AURKB: variants seen among roughly 807,000 people sequenced by gnomAD.
The protein encoded by AURKB is aurora kinase B.
A neutral mutation model predicts 36.5 loss-of-function variants in AURKB; 28 were observed. The observed-to-expected ratio is 0.77, with a 90% CI of 0.57 to 1.05. The LOEUF (loss-of-function observed/expected upper bound fraction) is 1.05. AURKB is among the 50% of genes least tolerant of loss of function. The probability of loss-of-function intolerance (pLI) is 0.00; values close to 1 mark genes in which losing one functional copy is unlikely to be tolerated. For missense variants in AURKB, 383 were observed against 447.4 expected, an observed-to-expected ratio of 0.86 and a Z score of 1.30; for synonymous variants, 175 against 172.9, an observed-to-expected ratio of 1.01 and a Z score of -0.09.
At position 8,207,196 on chromosome 17, in the gene AURKB, G is replaced by A. The variant is rs141915374; in HGVS notation, c.378C>T (p.Ile126=). The change falls in exon 5 of 9, where the codon ATC becomes ATT. Residue 126 remains isoleucine, a synonymous_variant. Transcript: ENST00000585124. Reference sequence around the variant, plus strand: ...CATACTGCAGGTGGGCCTGGATTTCGATCTCTCTGCGCAGCTGATGCTCCA... The same window carrying A: ...CATACTGCAGGTGGGCCTGGATTTCAATCTCTCTGCGCAGCTGATGCTCCA... ...EGVEHQLRRE[I]EIQAHLHHPN... 8.7e-6 allele frequency: 14 copies of A among 1,612,720 alleles called. No individual in the cohort carries two copies. The highest frequency in any genetic ancestry group is 4.0e-5 in the African/African-American group (3 of 74,878).
rs1985279523 is a variant in AURKB at position 8,206,392 on chromosome 17, A to G, written c.686+99T>C. ...GTGATCCGCCCTCCTCGGCCTCCCA[A>G]AGTGCTGGGATTACAGGTGTGAGCC... On this transcript the variant is annotated intron_variant, in intron 7 of 8. Transcript: ENST00000585124. The surrounding 1 kb of genome is among the most constrained non-coding windows in gnomAD (Gnocchi z 4.2). The G allele has an allele frequency of 1.1e-5, 16 of 1,476,772 alleles. No homozygotes were observed. The highest frequency in any genetic ancestry group is 1.4e-5 in the Non-Finnish European group (15 of 1,090,156). 91.5% of individuals were successfully genotyped at this position (1,476,772 alleles called of 1,614,324 possible).
At position 8,206,632 on chromosome 17, in the gene AURKB, T is replaced by A; in HGVS notation, c.545A>T (p.Glu182Val). 1.2e-6 allele frequency: 2 copies of A among 1,614,156 alleles called. No homozygotes were observed. Among genetic ancestry groups the A allele is most frequent in the Non-Finnish European group, 1.7e-6 (2 of 1,180,026 alleles). Residue 182 changes from glutamate (E) to valine (V), a missense_variant, in exon 7 of 9, where the codon GAG (glutamate) becomes GTG (valine). Glu to Val is a moderately radical substitution (Grantham distance 121). This residue lies in a region of AURKB where 219 missense variants were observed against 252.6 expected (regional missense o/e 0.87). Coordinates refer to ENST00000585124, the MANE Select transcript of AURKB (RefSeq NM_004217.4). The surrounding 1 kb of genome is among the most constrained non-coding windows in gnomAD (Gnocchi z 4.2). ...FDEQRTATIM[E>V]ELADALMYCH... is the part of the protein sequence containing the mutation. ...GTACATTAGAGCATCTGCCAACTCC[T>A]CCATGATCTGGGAGGGGCAACGACA...
chr17:8,205,431 T>C, intron 7 of AURKB, 41 bp from the exon 8 acceptor site: 1 of 1,600,528 alleles, frequency 6.2e-7, no homozygotes, highest in African/African-American at 1.3e-5. Context: ...CCTAGTGACA[T>C]AGGAACTCTC....
chr17:8,207,477 C>T (rs1985487605), intron 4 of AURKB, 94 bp downstream of exon 4: 7 of 1,561,382 alleles, frequency 4.5e-6, no homozygotes, highest in Non-Finnish European at 6.1e-6. Flanking sequence ...TTGTCTTCAT[C>T]CCTACTCCTC....
At chr17:8,210,367 A>C in intron 1 of AURKB, 118 bp from the exon 2 acceptor site, 2 of 735,670 alleles carry the variant, frequency 2.7e-6, no homozygotes. Context: ...AGGTCAGCAC[A>C]CTAGCCCCAA....
At position 8,204,978 on chromosome 17, in the gene AURKB, G is replaced by C. The variant is rs1438848669; in HGVS notation, c.928C>G (p.His310Asp). 1 of 1,608,556 alleles carries C rather than the reference G, an allele frequency of 6.2e-7. No individual in the cohort carries two copies. Among genetic ancestry groups the C allele is most frequent in the Non-Finnish European group, 8.5e-7 (1 of 1,178,624 alleles). Reference sequence around the variant, plus strand: ...AGGGGCAGCCGTTCCGAGGGGTTATGCCTGAGCAGTTTGGAGATGAGGTCC... The same window carrying C: ...AGGGGCAGCCGTTCCGAGGGGTTATCCCTGAGCAGTTTGGAGATGAGGTCC... Reference protein sequence around the residue: ...AQDLISKLLRHNPSERLPLAQ... With the variant: ...AQDLISKLLRDNPSERLPLAQ... The change falls in exon 9 of 9, where the codon CAT becomes GAT. Residue 310 changes from histidine to aspartate, a missense_variant. Physicochemically the swap from His to Asp is moderately conservative, Grantham distance 81. Around this residue, in one of 3 missense-constraint regions of AURKB, gnomAD observed 219 missense variants for 252.6 expected, o/e 0.87. Coordinates refer to ENST00000585124, the MANE Select transcript of AURKB (RefSeq NM_004217.4).
At chr17:8,205,838 C>T (rs1452378221) in intron 7 of AURKB, among the ~76,000 whole-genome samples, 2 of 152,080 alleles carry the variant, frequency 1.3e-5, no homozygotes, top group Non-Finnish European at 2.9e-5. Context: ...ACCTCTGCCT[C>T]CCGGGTTCAA....
At chr17:8,205,729 C>G (rs1172831412) in intron 7 of AURKB, among the ~76,000 whole-genome samples, 1 of 152,084 alleles carries the variant, frequency 6.6e-6, no homozygotes, top group Non-Finnish European at 1.5e-5. Flanking sequence ...TACTATGAAA[C>G]CATTAAAAAG....
chr17:8,208,245 T>C lies in AURKB; in HGVS notation c.49-405A>G, dbSNP rs148873050. 9.3e-3 allele frequency: 1,483 copies of C among 159,084 alleles called. 14 individuals are homozygous for C. The highest frequency in any genetic ancestry group is 0.014 in the Non-Finnish European group (980 of 72,450). The allele number at this position is 159,084 out of a possible 1,614,324, so 9.9% of individuals were successfully genotyped here. A position where few individuals can be genotyped will look rare whatever the true frequency, so the allele number is the denominator to read the frequency against. The stretch of plus-strand genomic sequence containing the variant: ...TTTGAGACCAGCCTGGCCAACACAG[T>C]GAAACCCCATCTCTACTAAAAATAC... On this transcript the variant is annotated intron_variant, in intron 2 of 8. Coordinates refer to ENST00000585124, the MANE Select transcript of AURKB (RefSeq NM_004217.4).
rs912945164 is a variant in AURKB at position 8,206,697 on chromosome 17, C to T, written c.537+53G>A. 1.9e-6 allele frequency: 3 copies of T among 1,613,122 alleles called. No individual in the cohort carries two copies. In the South Asian group the frequency reaches 3.3e-5, roughly 18 times the overall value. On this transcript the variant is annotated intron_variant, in intron 6 of 8. Transcript: ENST00000585124. The surrounding 1 kb of genome is among the most constrained non-coding windows in gnomAD (Gnocchi z 4.2). ...GATGGACCTCCAGCTACAAGCAGCA[C>T]ACCCTCAGCCTCGAGCCCCCTACTG...
rs1985283649 is a variant in AURKB at position 8,206,409 on chromosome 17, G to T, written c.686+82C>A. The T allele has an allele frequency of 6.4e-7, 1 of 1,556,480 alleles. No homozygotes were observed. Among genetic ancestry groups the T allele is most frequent in the African/African-American group, 1.4e-5 (1 of 73,862 alleles). ...GCCTCCCAAAGTGCTGGGATTACAG[G>T]TGTGAGCCACGGTGCACGGCCCCTG... On this transcript the variant is annotated intron_variant, in intron 7 of 8. Coordinates refer to ENST00000585124, the MANE Select transcript of AURKB (RefSeq NM_004217.4). This position sits in a 1 kb window ranked among gnomAD's most constrained non-coding sequence, Gnocchi z 4.2.
Position 8,207,326 on chromosome 17 carries a change from A to G in AURKB, c.248T>C (p.Leu83Pro), listed in dbSNP as rs1567573394. 6.2e-7 allele frequency: 1 copy of G among 1,614,188 alleles called. No homozygotes were observed. The highest frequency in any genetic ancestry group is 1.7e-5 in the Admixed American group (1 of 60,008). ...TIDDFEIGRP[L>P]GKGKFGNVYL... Reference sequence around the variant, plus strand: ...CACGTTTCCAAACTTGCCTTTGCCCAGAGGACGCCCAATCTCAAAGTCATC... The same window carrying G: ...CACGTTTCCAAACTTGCCTTTGCCCGGAGGACGCCCAATCTCAAAGTCATC... Residue 83 changes from leucine to proline, a missense_variant, in exon 5 of 9, where the codon CTG (leucine) becomes CCG (proline). This residue lies in a region of AURKB where 59 missense variants were observed against 99.0 expected (regional missense o/e 0.60). Transcript: ENST00000585124.
intron 2 of AURKB, chr17:8,209,840 G>C: frequency 2.3e-6 from 1 of 431,568 alleles, no homozygotes; most frequent in East Asian, 4.4e-5. Context: ...TCTATTTGCT[G>C]TCTAGTTTTT....
In AURKB at chr17:8,204,774, G is replaced by A; in HGVS notation, c.*97C>T. ...TCAGCCTTTATTAAACAAAGGAGGA[G>A]GTAGAAAACAGATAAGGGAACAGTT... On this transcript the variant is annotated 3_prime_UTR_variant, in exon 9 of 9. Coordinates refer to ENST00000585124, the MANE Select transcript of AURKB (RefSeq NM_004217.4). The A allele has an allele frequency of 6.7e-7, 1 of 1,487,470 alleles. No individual in the cohort carries two copies. Among genetic ancestry groups the A allele is most frequent in the Admixed American group, 2.1e-5 (1 of 48,290 alleles). 92.1% of individuals were successfully genotyped at this position (1,487,470 alleles called of 1,614,324 possible). A position where few individuals can be genotyped will look rare whatever the true frequency, so the allele number is the denominator to read the frequency against.
chr17:8,210,338 C>T (rs1288457007), intron 1 of AURKB, 89 bp from the exon 2 acceptor site: 3 of 1,027,280 alleles, frequency 2.9e-6, no homozygotes, highest in Non-Finnish European at 4.4e-6. Flanking sequence ...AGCGCTAGCC[C>T]GAGCTGGTAA....
At chr17:8,207,086 A>C in intron 5 of AURKB, 90 bp downstream of exon 5, 1 of 1,497,776 alleles carries the variant, frequency 6.7e-7, no homozygotes, top group Non-Finnish European at 9.0e-7. Flanking sequence ...CCATAGCTAC[A>C]GAGAAAGCAA....
rs1322292985 is a variant in AURKB at position 8,207,206 on chromosome 17, C to A, written c.368G>T (p.Arg123Leu). ...IEKEGVEHQLRREIEIQAHLH... is the reference protein window; with the variant it reads ...IEKEGVEHQLLREIEIQAHLH... ...GTGGGCCTGGATTTCGATCTCTCTG[C>A]GCAGCTGATGCTCCACGCCCTCCTT... is the stretch of plus-strand genomic sequence containing the variant. The change falls in exon 5 of 9, where the codon CGC becomes CTC. Residue 123 changes from arginine to leucine, a missense_variant. Physicochemically the swap from Arg to Leu is moderately radical, Grantham distance 102 (BLOSUM62 -2). Transcript: ENST00000585124. 2.5e-6 allele frequency: 4 copies of A among 1,614,058 alleles called. No homozygotes were observed. The highest frequency in any genetic ancestry group is 3.4e-6 in the Non-Finnish European group (4 of 1,179,966).
chr17:8,210,051 C>G (rs1985898685), intron 2 of AURKB, 126 bp downstream of exon 2: 3 of 1,297,310 alleles, frequency 2.3e-6, no homozygotes, highest in Non-Finnish European at 3.3e-6. Flanking sequence ...AACTTGGGAC[C>G]CGTACTTTGG....
At chr17:8,207,543 C>T (rs771918549) in intron 4 of AURKB, 28 bp downstream of exon 4, 13 of 1,609,258 alleles carry the variant, frequency 8.1e-6, no homozygotes, top group African/African-American at 2.7e-5. Flanking sequence ...CCCTCACCCC[C>T]GTCCACCCCC....
Sources: gnomAD v4.1 joint callset for allele counts (sites outside exome capture counted in the v4.1 genomes callset) on GRCh38, gnomAD v4.1.1 for gene constraint, gnomAD v4.1.1 regional missense constraint, Gnocchi (gnomAD v3.1) non-coding constraint, MANE v1.5 for transcripts, NCBI Gene and HGNC (gene_info 2026-07-23, HGNC 2026-07-21) for gene names.